The following SLC12A8 variants were observed in gnomAD, a reference collection of about 807,000 sequenced individuals.
The protein encoded by SLC12A8 is solute carrier family 12 member 8, also known as cation-chloride cotransporter 9.
A neutral mutation model predicts 75.6 loss-of-function variants in SLC12A8; 69 were observed. The observed-to-expected ratio is 0.91, with a 90% CI of 0.75 to 1.11. The LOEUF (loss-of-function observed/expected upper bound fraction) is 1.11, where lower values mean the gene tolerates loss of function less well. SLC12A8 is among the 50% of genes most tolerant of loss of function. The probability of loss-of-function intolerance (pLI) is 0.00; values close to 1 mark genes in which losing one functional copy is unlikely to be tolerated. For synonymous variants in SLC12A8, 365 were observed against 372.8 expected (o/e 0.98, Z 0.24); for missense variants, 877 against 896.7 (o/e 0.98, Z 0.28).
Position 125,177,661 on chromosome 3 carries a change from G to A in SLC12A8, c.622+82C>T, listed in dbSNP as rs111361612. The A allele has an allele frequency of 5.9e-3, 6,131 of 1,046,086 alleles. 247 individuals are homozygous for A. In the African/African-American group the frequency reaches 0.085, roughly 14 times the overall value. 64.8% of individuals were successfully genotyped at this position (1,046,086 alleles called of 1,614,324 possible). A position where few individuals can be genotyped will look rare whatever the true frequency, so the allele number is the denominator to read the frequency against. On this transcript the variant is annotated intron_variant, in intron 5 of 13. Transcript: ENST00000469902. ...AAGCCTATGGGGGTTAGGGGGAGAT[G>A]GGGTGGGCAAACTCACACCTACAAA...
At chr3:125,134,163 G>A (rs1216232599) in intron 6 of SLC12A8, among the ~76,000 whole-genome samples, 2 of 151,992 alleles carry the variant, frequency 1.3e-5, no homozygotes, top group African/African-American at 2.4e-5. Flanking sequence ...GTGCAGTGGC[G>A]CCATCTCAGC....
chr3:125,093,449 A>G (rs1197063441), intron 10 of SLC12A8, among the ~76,000 whole-genome samples: 1 of 151,906 alleles, frequency 6.6e-6, no homozygotes, highest in Non-Finnish European at 1.5e-5. Flanking sequence ...CCCCATGTCA[A>G]CCACTCCTGA....
In SLC12A8 at chr3:125,092,198, T is replaced by C. The variant is rs138815018; in HGVS notation, c.1706A>G (p.Asp569Gly). ...LCNQSESSGE[D>G]FFLKSRLQEQ... ...TTGGAGCCTGGACTTCAGGAAGAAA[T>C]CTAAAAAATAGCCAAAGATTTGGCT... The change falls in exon 11 of 14, where the codon GAT becomes GGT. Residue 569 changes from aspartate to glycine, a missense_variant and splice_region_variant. Physicochemically the swap from Asp to Gly is moderately conservative, Grantham distance 94. Transcript: ENST00000469902. 1.2e-6 allele frequency: 2 copies of C among 1,610,520 alleles called. No homozygotes were observed. Among genetic ancestry groups the C allele is most frequent in the South Asian group, 2.2e-5 (2 of 90,894 alleles).
intron 13 of SLC12A8, among the ~76,000 whole-genome samples, chr3:125,085,197 G>A (rs917358156): frequency 3.9e-5 from 6 of 152,324 alleles, no homozygotes; most frequent in African/African-American, 1.2e-4. Flanking sequence ...TGACAAAAAT[G>A]TCACACCAGT....
intron 5 of SLC12A8, among the ~76,000 whole-genome samples, chr3:125,174,229 C>T (rs1022446104): frequency 1.3e-5 from 2 of 152,156 alleles, no homozygotes; most frequent in African/African-American, 2.4e-5. Flanking sequence ...TACAAAAACA[C>T]GTTCAATATC....
rs186576113 is a variant in SLC12A8 at position 125,194,343 on chromosome 3, C to T, written c.52-3822G>A. Among the ~76,000 whole-genome samples the T allele has an allele frequency of 4.9e-3, 739 of 152,110 alleles. 4 individuals carry two copies. The highest frequency in any genetic ancestry group is 0.017 in the African/African-American group (695 of 41,478). On this transcript the variant is annotated intron_variant, in intron 2 of 13. Transcript: ENST00000469902. ...TGAGCCCAGGGGCCTGCGCCCCATG[C>T]TGGAAAAACCATGACTGCCTGGTGG...
At chr3:125,191,870 C>A (rs1055689729) in intron 2 of SLC12A8, among the ~76,000 whole-genome samples, 1 of 152,206 alleles carries the variant, frequency 6.6e-6, no homozygotes, top group Non-Finnish European at 1.5e-5. Context: ...TCTCCAACTC[C>A]GTAAGCTTCA....
chr3:125,125,680 A>G (rs1933188342), intron 6 of SLC12A8, among the ~76,000 whole-genome samples: 1 of 152,266 alleles, frequency 6.6e-6, no homozygotes, highest in African/African-American at 2.4e-5. Flanking sequence ...GGAGGCCCAA[A>G]GAAGGGAAGC....
chr3:125,096,858 T>C (rs749983828), intron 10 of SLC12A8, among the ~76,000 whole-genome samples: 1 of 152,070 alleles, frequency 6.6e-6, no homozygotes, highest in Non-Finnish European at 1.5e-5. Context: ...TTTGTACTTA[T>C]CACTTATTGA....
chr3:125,195,065 G>A (rs541686750), intron 2 of SLC12A8, among the ~76,000 whole-genome samples: 1 of 152,380 alleles, frequency 6.6e-6, no homozygotes, highest in African/African-American at 2.4e-5. Flanking sequence ...GTAAAGTTTA[G>A]ATGAGATGAT....
At position 125,208,655 on chromosome 3, in the gene SLC12A8, G is replaced by A. The variant is rs145006383; in HGVS notation, c.51+2644C>T. 3.3e-5 allele frequency among the ~76,000 whole-genome samples: 5 copies of A among 151,496 alleles called. No homozygotes were observed. The East Asian group carries it at 9.7e-4, about 29-fold the overall frequency. On this transcript the variant is annotated intron_variant, in intron 2 of 13. Transcript: ENST00000469902. Reference sequence around the variant, plus strand: ...TCACAAAGTATTAGAGCCAGGACTTGACCCAGGCAGCACATGCACCCTCGA... The same window carrying A: ...TCACAAAGTATTAGAGCCAGGACTTAACCCAGGCAGCACATGCACCCTCGA...
intron 3 of SLC12A8, among the ~76,000 whole-genome samples, chr3:125,188,552 T>C (rs1338721431): frequency 6.6e-6 from 1 of 152,206 alleles, no homozygotes; most frequent in Non-Finnish European, 1.5e-5. Context: ...GACAGACACA[T>C]TTCAGTGTGA....
In SLC12A8 at chr3:125,184,689, G is replaced by A. The variant is rs372239274; in HGVS notation, c.390+2548C>T. ...TCAAAACCCCAACCGCACCCTAGAG[G>A]AAGGAGGAGCTCAAATCAATAACCC... On this transcript the variant is annotated intron_variant, in intron 4 of 13. Coordinates refer to ENST00000469902, the MANE Select transcript of SLC12A8 (RefSeq NM_024628.6). 1.3e-4 allele frequency among the ~76,000 whole-genome samples: 19 copies of A among 151,854 alleles called. No individual in the cohort carries two copies. In the South Asian group the frequency reaches 2.1e-3, roughly 17 times the overall value.
intron 5 of SLC12A8, among the ~76,000 whole-genome samples, chr3:125,147,236 T>C (rs1409366268): frequency 6.6e-6 from 1 of 152,202 alleles, no homozygotes; most frequent in Non-Finnish European, 1.5e-5. Context: ...GGAGCAGCAT[T>C]TAACCTGCGG....
At position 125,092,097 on chromosome 3, in the gene SLC12A8, T is replaced by C. The variant is rs1364861705; in HGVS notation, c.1803+4A>G. ...ACAACTGAGATCAAGATGAAGTTAC[T>C]CACCCCCAACAGGGAGACCCAGGGG... On this transcript the variant is annotated splice_donor_region_variant and intron_variant, in intron 11 of 13. Coordinates refer to ENST00000469902, the MANE Select transcript of SLC12A8 (RefSeq NM_024628.6). 5 of 1,599,812 alleles carry C rather than the reference T, an allele frequency of 3.1e-6. No individual in the cohort carries two copies. Among genetic ancestry groups the C allele is most frequent in the Non-Finnish European group, 3.4e-6 (4 of 1,167,836 alleles).
chr3:125,128,946 G>A (rs1412676981), intron 6 of SLC12A8, among the ~76,000 whole-genome samples: 1 of 152,172 alleles, frequency 6.6e-6, no homozygotes. Context: ...AATTCCCAGA[G>A]CTTCCCAGGG....
intron 8 of SLC12A8, among the ~76,000 whole-genome samples, chr3:125,112,212 AC>A (rs1939205317): frequency 6.6e-6 from 1 of 152,202 alleles, no homozygotes; most frequent in South Asian, 2.1e-4. Flanking sequence ...TACGGAGCCC[AC>A]CTTGTCTTTA....
chr3:125,112,655 T>C (rs1162777558), intron 8 of SLC12A8, among the ~76,000 whole-genome samples: 1 of 152,212 alleles, frequency 6.6e-6, no homozygotes, highest in Non-Finnish European at 1.5e-5. Context: ...CATTCTGAGA[T>C]GTGATCATTC....
In SLC12A8 at chr3:125,082,805, A is replaced by G. The variant is rs1444797890; in HGVS notation, c.*1085T>C. On this transcript the variant is annotated 3_prime_UTR_variant, in exon 14 of 14. Coordinates refer to ENST00000469902, the MANE Select transcript of SLC12A8 (RefSeq NM_024628.6). Reference sequence around the variant, plus strand: ...ATTATTCACTGCAGAGCTGATTGTCATTGCAAAAGATTGGAAAGAATCCAA... The same window carrying G: ...ATTATTCACTGCAGAGCTGATTGTCGTTGCAAAAGATTGGAAAGAATCCAA... 1 of 152,248 alleles carries G rather than the reference A, an allele frequency of 6.6e-6. No individual in the cohort carries two copies. Among genetic ancestry groups the G allele is most frequent in the South Asian group, 2.1e-4 (1 of 4,836 alleles). The allele number at this position is 152,248 out of a possible 1,614,324, so 9.4% of individuals were successfully genotyped here. A position where few individuals can be genotyped will look rare whatever the true frequency, so the allele number is the denominator to read the frequency against.
Sources: allele counts gnomAD v4.1 joint callset (sites outside exome capture counted in the v4.1 genomes callset), GRCh38; gene constraint gnomAD v4.1.1; transcripts MANE v1.5; gene names NCBI Gene and HGNC (gene_info 2026-07-23, HGNC 2026-07-21).